The following TRPM6 variants were observed in gnomAD, a reference collection of about 807,000 sequenced individuals.
TRPM6 encodes the protein transient receptor potential cation channel subfamily M member 6.
A neutral mutation model predicts 247.6 loss-of-function variants in TRPM6; 111 were observed. That is an observed-to-expected ratio of 0.45 (90% CI 0.38 to 0.52). TRPM6 has a LOEUF of 0.52. Ranked by LOEUF, TRPM6 falls within the 20% of genes least tolerant of loss-of-function variation. TRPM6 has a pLI of 0.00. For missense variants in TRPM6, 2,126 were observed against 2,421.5 expected, an observed-to-expected ratio of 0.88 and a Z score of 2.56; for synonymous variants, 892 against 853.8, an observed-to-expected ratio of 1.04 and a Z score of -0.78.
rs1323670062 is a variant in TRPM6, at chr9:74,816,679, T to G, written c.1298A>C (p.Gln433Pro). ...TCATTTTCACTATACCTTCCAGTGT[T>G]GTTCATAAATTAGGATATGTTTCTT... The part of the protein sequence containing the change: ...IAKKHILIYE[Q>P]HWKPDALEQA... The change falls in exon 11 of 39, where the codon CAA becomes CCA. Residue 433 changes from glutamine (Q) to proline (P), a missense_variant. This residue lies in a region of TRPM6 where 1,082 missense variants were observed against 1,307.9 expected (regional missense o/e 0.83). Coordinates refer to ENST00000360774, the MANE Select transcript of TRPM6 (RefSeq NM_017662.5). 1 of 1,613,648 alleles carries G rather than the reference T, an allele frequency of 6.2e-7. No individual in the cohort carries two copies. Among genetic ancestry groups the G allele is most frequent in the Non-Finnish European group, 8.5e-7 (1 of 1,179,636 alleles).
chr9:74,774,584 T>C (rs1827153511), intron 24 of TRPM6, among the ~76,000 whole-genome samples: 1 of 152,190 alleles, frequency 6.6e-6, no homozygotes, highest in Non-Finnish European at 1.5e-5. Flanking sequence ...CATAATATAC[T>C]GCAGGGGATG....
chr9:74,866,137 G>A (rs765168672), intron 1 of TRPM6, among the ~76,000 whole-genome samples: 31 of 152,122 alleles, frequency 2.0e-4, no homozygotes, highest in Admixed American at 1.3e-3. Context: ...CCGTGTCTAC[G>A]TCCAATAATA....
intron 5 of TRPM6, among the ~76,000 whole-genome samples, chr9:74,834,540 T>G (rs957119145): frequency 6.6e-6 from 1 of 152,084 alleles, no homozygotes; most frequent in Non-Finnish European, 1.5e-5. Flanking sequence ...TGTATACATG[T>G]GCCATGTTGG....
At chr9:74,740,034 A>C (rs1408679917) in intron 33 of TRPM6, 25 bp from the exon 34 acceptor site, 1 of 1,611,852 alleles carries the variant, frequency 6.2e-7, no homozygotes, top group East Asian at 2.2e-5. Flanking sequence ...GAAGGCTAGG[A>C]ATTCAATAAG....
chr9:74,788,935 A>G (rs1294511303), intron 19 of TRPM6, among the ~76,000 whole-genome samples, 193 bp from the exon 20 acceptor site: 3 of 152,174 alleles, frequency 2.0e-5, no homozygotes, highest in African/African-American at 7.2e-5. Context: ...CTAGTCTAGG[A>G]TTTAGAGGCA....
At chr9:74,796,549 G>C (rs1828106105) in intron 18 of TRPM6, among the ~76,000 whole-genome samples, 192 bp downstream of exon 18, 1 of 152,198 alleles carries the variant, frequency 6.6e-6, no homozygotes, top group Admixed American at 6.5e-5. Context: ...TTAAGATTAA[G>C]AGAACTAAAT....
intron 27 of TRPM6, among the ~76,000 whole-genome samples, chr9:74,760,826 T>C (rs1826599962): frequency 2.6e-5 from 4 of 152,166 alleles, no homozygotes; most frequent in Admixed American, 2.6e-4. Flanking sequence ...ATGAATACAT[T>C]AATTCGTTCA....
intron 1 of TRPM6, among the ~76,000 whole-genome samples, chr9:74,867,335 C>T (rs1830877224): frequency 6.6e-6 from 1 of 152,070 alleles, no homozygotes; most frequent in Admixed American, 6.5e-5. Context: ...TCTTAGAGAC[C>T]TCTAGGAGTC....
intron 25 of TRPM6, among the ~76,000 whole-genome samples, chr9:74,767,120 G>A (rs1826853942): frequency 6.6e-6 from 1 of 152,134 alleles, no homozygotes; most frequent in Non-Finnish European, 1.5e-5. Flanking sequence ...CTCATGCTGG[G>A]AGGTGTCACA....
chr9:74,869,752 G>T (rs2118451092), intron 1 of TRPM6, among the ~76,000 whole-genome samples: 1 of 152,204 alleles, frequency 6.6e-6, no homozygotes, highest in African/African-American at 2.4e-5. Flanking sequence ...AAAAGAGAGA[G>T]AATGAAGATG....
Position 74,776,028 on chromosome 9 carries a change from G to T in TRPM6, c.3258C>A (p.Tyr1086Ter). The T allele has an allele frequency of 6.2e-7, 1 of 1,614,088 alleles. No individual in the cohort carries two copies. Among genetic ancestry groups the T allele is most frequent in the Non-Finnish European group, 8.5e-7 (1 of 1,180,012 alleles). ...AGGTCATGATGTAGCGATAGCGGTT[G>T]TATTTCCACAGGTTATTTGAAATGG... ...MESISNNLWK[Y>*]NRYRYIMTYH... The change falls in exon 24 of 39, where the codon TAC (tyrosine) becomes TAA (stop). Residue 1086 changes from tyrosine to a stop codon, truncating the protein, a stop_gained. Transcript: ENST00000360774. LOFTEE classifies it high-confidence loss of function.
chr9:74,799,574 T>G (rs7033862), intron 17 of TRPM6, among the ~76,000 whole-genome samples: 59,435 of 149,572 alleles, frequency 0.4, 11,841 homozygotes, highest in African/African-American at 0.47. Context: ...ACACACACAT[T>G]GGGTAAGCAG....
rs1262586614 is a variant in TRPM6 at position 74,802,075 on chromosome 9, A to T, written c.1832T>A (p.Leu611Gln). Reference protein sequence around the residue: ...STGFLYPYNDLLVWAVLMKRQ... With the variant: ...STGFLYPYNDQLVWAVLMKRQ... The stretch of plus-strand genomic sequence containing the variant: ...TTTCATCAGCACAGCCCAAACCAGC[A>T]GGTCATTGTAAGGGTAAAGAAAGCC... Residue 611 changes from leucine to glutamine, a missense_variant, in exon 16 of 39, where the codon CTG becomes CAG. Leu to Gln is a moderately radical substitution (Grantham distance 113, BLOSUM62 -2). Transcript: ENST00000360774. 7 of 1,614,054 alleles carry T rather than the reference A, an allele frequency of 4.3e-6. No homozygotes were observed. Among genetic ancestry groups the T allele is most frequent in the Non-Finnish European group, 5.9e-6 (7 of 1,180,024 alleles).
chr9:74,817,586 C>A (rs1010846611), intron 9 of TRPM6, among the ~76,000 whole-genome samples: 2 of 152,202 alleles, frequency 1.3e-5, no homozygotes, highest in South Asian at 4.1e-4. Context: ...CTGGGCAACA[C>A]AGACGGTCTT....
At chr9:74,871,136 T>G (rs1351787369) in intron 1 of TRPM6, among the ~76,000 whole-genome samples, 1 of 152,210 alleles carries the variant, frequency 6.6e-6, no homozygotes, top group Non-Finnish European at 1.5e-5. Flanking sequence ...ATCTAAGTCC[T>G]CACTGTATCA....
rs1242312224 is a variant in TRPM6, at chr9:74,820,412, C to T, written c.1026G>A (p.Gln342=). 2.5e-6 allele frequency: 4 copies of T among 1,614,100 alleles called. No homozygotes were observed. The highest frequency in any genetic ancestry group is 3.4e-6 in the Non-Finnish European group (4 of 1,180,024). Residue 342 remains glutamine (Q), a synonymous_variant, in exon 9 of 39, where the codon CAG becomes CAA. Coordinates refer to ENST00000360774, the MANE Select transcript of TRPM6 (RefSeq NM_017662.5). ...TCATGCAGATGATCTCCTCTTTCAC[C>T]TGAGGTCGCAGCATCCTGGAAGAGA... ...HLADEGMLRP[Q]VKEEIICMIQ...
chr9:74,818,293 C>CTTTTTTTTTTTTTTTT (rs1161401022), intron 9 of TRPM6, among the ~76,000 whole-genome samples: 5 of 72,024 alleles, frequency 6.9e-5, no homozygotes, highest in African/African-American at 3.1e-4. Flanking sequence ...TCTATCATTT[C>CTTTTTTTTTTTTTTTT]TTTTTTTTTT....
intron 6 of TRPM6, among the ~76,000 whole-genome samples, chr9:74,830,691 C>T (rs549069261): frequency 2.6e-5 from 4 of 151,870 alleles, no homozygotes; most frequent in African/African-American, 9.7e-5. Flanking sequence ...ATCCTTCCAC[C>T]TCAGCCCCCC....
At chr9:74,744,007 A>G (rs565181637) in intron 32 of TRPM6, 88 bp downstream of exon 32, 9 of 1,319,510 alleles carry the variant, frequency 6.8e-6, no homozygotes, top group Middle Eastern at 1.8e-4. Flanking sequence ...CATGTCAGTA[A>G]CACAGAATTT....
Sources: gnomAD v4.1 joint callset for allele counts (sites outside exome capture counted in the v4.1 genomes callset) on GRCh38, gnomAD v4.1.1 for gene constraint, gnomAD v4.1.1 regional missense constraint, MANE v1.5 for transcripts, NCBI Gene and HGNC (gene_info 2026-07-23, HGNC 2026-07-21) for gene names.